SLC7A2: variants seen among roughly 807,000 people sequenced by gnomAD.
SLC7A2 encodes cationic amino acid transporter 2.
A neutral mutation model predicts 58.9 loss-of-function variants in SLC7A2; 48 were observed. The ratio of observed to expected loss-of-function variants is 0.82; its 90% CI spans 0.65 to 1.04. SLC7A2 has a LOEUF of 1.04. SLC7A2 is among the 50% of genes least tolerant of loss of function. SLC7A2 has a pLI of 0.00. For synonymous variants in SLC7A2, 363 were observed against 314.5 expected (o/e 1.15, Z -1.63); for missense variants, 1,029 against 818.8 (o/e 1.26, Z -3.13).
At position 17,546,280 on chromosome 8, in the gene SLC7A2, C is replaced by T. The variant is rs192525240; in HGVS notation, c.532+1674C>T. Among the ~76,000 whole-genome samples the T allele has an allele frequency of 4.6e-5, 7 of 152,346 alleles. No individual in the cohort carries two copies. In the East Asian group the frequency reaches 9.6e-4, roughly 21 times the overall value. ...CCACAGCAAGACTCAGGTCTTGGCT[C>T]ATTTGTCCTGTGTTCATTCACCATC... is the stretch of plus-strand genomic sequence containing the variant. On this transcript the variant is annotated intron_variant, in intron 4 of 12. Transcript: ENST00000494857.
At chr8:17,561,880 T>C (rs140781902) in intron 10 of SLC7A2, 64 bp from the exon 11 acceptor site, 2 of 1,501,832 alleles carry the variant, frequency 1.3e-6, no homozygotes, top group African/African-American at 2.8e-5. Flanking sequence ...ATATGCTGTT[T>C]TGCACCAAGC....
At chr8:17,520,580 G>A (rs1314379837) in intron 2 of SLC7A2, among the ~76,000 whole-genome samples, 2 of 141,684 alleles carry the variant, frequency 1.4e-5, no homozygotes, top group Non-Finnish European at 3.0e-5. Flanking sequence ...GGTGAAGGTT[G>A]CAGTGAGCCG....
chr8:17,500,189 T>C (rs574240614), intron 1 of SLC7A2: 2 of 152,314 alleles, frequency 1.3e-5, no homozygotes, highest in South Asian at 4.1e-4. Flanking sequence ...TACCACCACT[T>C]CTAAGCAGAC....
Position 17,548,776 on chromosome 8 carries a change from G to T in SLC7A2, c.631G>T (p.Val211Leu). The T allele has an allele frequency of 6.2e-7, 1 of 1,613,922 alleles. No homozygotes were observed. Among genetic ancestry groups the T allele is most frequent in the Non-Finnish European group, 8.5e-7 (1 of 1,179,932 alleles). ...VLLFVMVAGF[V>L]KGNVANWKIS... is the part of the protein sequence containing the mutation. ...TCTGTTTGTGATGGTTGCTGGGTTT[G>T]TGAAAGGAAATGTGGCAAACTGGAA... Residue 211 changes from valine (V) to leucine (L), a missense_variant, in exon 5 of 13, where the codon GTG becomes TTG. Physicochemically the swap from Val to Leu is conservative, Grantham distance 32. Transcript: ENST00000494857.
At chr8:17,528,839 T>G (rs1370569015) in intron 2 of SLC7A2, among the ~76,000 whole-genome samples, 2 of 152,120 alleles carry the variant, frequency 1.3e-5, no homozygotes, top group Admixed American at 1.3e-4. Flanking sequence ...GGGTAAGAGT[T>G]ATAGGAGGAG....
intron 2 of SLC7A2, among the ~76,000 whole-genome samples, chr8:17,529,720 C>T (rs1005169524): frequency 7.2e-5 from 11 of 151,856 alleles, no homozygotes; most frequent in South Asian, 6.3e-4. Flanking sequence ...TTTTTAGTAA[C>T]GATGGGGTTT....
chr8:17,503,082 A>G (rs942404308), intron 2 of SLC7A2, among the ~76,000 whole-genome samples: 5 of 151,780 alleles, frequency 3.3e-5, no homozygotes, highest in Non-Finnish European at 5.9e-5. Context: ...ACAGAGTCTC[A>G]CTCTGTCACC....
intron 2 of SLC7A2, among the ~76,000 whole-genome samples, chr8:17,535,317 G>A (rs1801617865): frequency 6.6e-6 from 1 of 151,882 alleles, no homozygotes; most frequent in South Asian, 2.1e-4. Flanking sequence ...CCTTCTCACT[G>A]AGCTTTCAGA....
In SLC7A2 at chr8:17,551,975, C is replaced by G. The variant is rs146827719; in HGVS notation, c.1044C>G (p.Ala348=). The G allele has an allele frequency of 2.7e-5, 44 of 1,613,992 alleles. 1 individual carries two copies. The East Asian group carries it at 9.6e-4, about 35-fold the overall frequency. ...TCGTCGCAGCTGGTTCTCTCTGCGCCTTGTCAACAAGGTACATTGCATCGC... is the reference window on the plus strand; with the variant it reads ...TCGTCGCAGCTGGTTCTCTCTGCGCGTTGTCAACAAGGTACATTGCATCGC... ...KYVVAAGSLC[A]LSTSLLGSIF... is the part of the protein sequence containing the mutation. Residue 348 remains alanine (A), a synonymous_variant, in exon 7 of 13, where the codon GCC becomes GCG. Transcript: ENST00000494857.
At chr8:17,504,361 C>T (rs1286594823) in intron 2 of SLC7A2, among the ~76,000 whole-genome samples, 4 of 152,120 alleles carry the variant, frequency 2.6e-5, no homozygotes, top group Non-Finnish European at 4.4e-5. Flanking sequence ...GGATTGAAAC[C>T]CTTACCTTTC....
intron 12 of SLC7A2, 30 bp downstream of exon 12, chr8:17,563,741 C>G (rs1267218554): frequency 7.8e-7 from 1 of 1,288,140 alleles, no homozygotes; most frequent in African/African-American, 1.5e-5. Flanking sequence ...GTTCTCTTTC[C>G]TATTTCATGT....
intron 2 of SLC7A2, among the ~76,000 whole-genome samples, chr8:17,514,940 G>A (rs1026074689): frequency 1.3e-5 from 2 of 152,136 alleles, no homozygotes; most frequent in African/African-American, 2.4e-5. Context: ...ATAAAACAGC[G>A]TTTCATTTCT....
At chr8:17,495,788 G>A (rs1799942740), upstream of SLC7A2, among the ~76,000 whole-genome samples, 1 of 152,216 alleles carries the variant, frequency 6.6e-6, no homozygotes, top group South Asian at 2.1e-4. Flanking sequence ...GACCTCAGGT[G>A]ATCGGCGCGC....
intron 12 of SLC7A2, among the ~76,000 whole-genome samples, chr8:17,564,549 G>A (rs899150152): frequency 6.6e-6 from 1 of 152,086 alleles, no homozygotes; most frequent in African/African-American, 2.4e-5. Flanking sequence ...ACAGGGTGGG[G>A]GATGGTTTGG....
chr8:17,545,403 CTTTTTTTTTTTTT>C (rs386412194), intron 4 of SLC7A2, among the ~76,000 whole-genome samples: 14 of 64,302 alleles, frequency 2.2e-4, no homozygotes, highest in East Asian at 8.5e-4. Context: ...TGAACATTTT[CTTTTTTTTTTTTT>C]TTTTTTTTTT....
chr8:17,555,868 A>T (rs1210527259), intron 8 of SLC7A2, among the ~76,000 whole-genome samples: 1 of 152,178 alleles, frequency 6.6e-6, no homozygotes, highest in Admixed American at 6.5e-5. Flanking sequence ...AGGTACTGTT[A>T]CAGGAAGCAA....
At chr8:17,560,587 G>C in intron 10 of SLC7A2, 54 bp downstream of exon 10, 2 of 1,428,196 alleles carry the variant, frequency 1.4e-6, no homozygotes, top group South Asian at 2.3e-5. Context: ...TGTGTGAGTA[G>C]AGCTGGCATG....
chr8:17,530,474 C>G (rs911840647), intron 2 of SLC7A2, among the ~76,000 whole-genome samples: 2 of 152,136 alleles, frequency 1.3e-5, no homozygotes, highest in African/African-American at 4.8e-5. Flanking sequence ...GCTAGAAAGC[C>G]AGGCTGGGGC....
rs974962613 is a variant in SLC7A2 at position 17,500,098 on chromosome 8, C to A, written c.-68-2159C>A. The A allele has an allele frequency of 7.2e-5, 11 of 152,258 alleles. No homozygotes were observed. In the East Asian group the frequency reaches 1.7e-3, roughly 24 times the overall value. 9.4% of individuals were successfully genotyped at this position (152,258 alleles called of 1,614,324 possible). A position where few individuals can be genotyped will look rare whatever the true frequency, so the allele number is the denominator to read the frequency against. ...GTGTAACTCCGGTTTTAGAGGGATT[C>A]TATAATTATGTTTACATTTGGGGAA... On this transcript the variant is annotated intron_variant, in intron 1 of 12. Transcript: ENST00000494857.
Sources: gnomAD v4.1 joint callset for allele counts (sites outside exome capture counted in the v4.1 genomes callset) on GRCh38, gnomAD v4.1.1 for gene constraint, MANE v1.5 for transcripts, NCBI Gene and HGNC (gene_info 2026-07-23, HGNC 2026-07-21) for gene names.